MCF2L: variants seen among roughly 807,000 people sequenced by gnomAD.
MCF2L encodes the protein guanine nucleotide exchange factor DBS.
In MCF2L, 97 loss-of-function variants were observed where a neutral mutation model predicts 153.4. The ratio of observed to expected loss-of-function variants is 0.63; its 90% confidence interval spans 0.54 to 0.75. The LOEUF (loss-of-function observed/expected upper bound fraction) is 0.75. Among genes scored for constraint, MCF2L ranks in the 30% least tolerant of loss-of-function variants. The probability of loss-of-function intolerance (pLI) is 0.00; values close to 1 mark genes in which losing one functional copy is unlikely to be tolerated. For missense variants in MCF2L, 1,347 were observed against 1,495.2 expected, an observed-to-expected ratio of 0.90 and a Z score of 1.64; for synonymous variants, 659 against 632.2, an observed-to-expected ratio of 1.04 and a Z score of -0.64.
rs565511660 is a variant in MCF2L, at chr13:113,010,525, G to A, written c.80-4238G>A. Among the ~76,000 whole-genome samples, 19 of 152,308 alleles carry A rather than the reference G, an allele frequency of 1.2e-4. No homozygotes were observed. The East Asian group carries it at 1.4e-3, about 11-fold the overall frequency. ...CACGCTTGGGAAATCTCACCACGTC[G>A]TCCCCGTAGTGGCCAGAAGAGATTG... On this transcript the variant is annotated intron_variant, in intron 1 of 29. Transcript: ENST00000535094.
upstream of MCF2L, chr13:112,969,133 G>A (rs2081955129): frequency 3.5e-6 from 1 of 286,974 alleles, no homozygotes; most frequent in Non-Finnish European, 5.9e-6. This position sits in a 1 kb window ranked among gnomAD's most constrained non-coding sequence, Gnocchi z 4.8. Flanking sequence ...GTGACACACC[G>A]GGGCGGGCGC....
At position 113,012,525 on chromosome 13, in the gene MCF2L, AATGAGGACGGTGGACACTGCG is replaced by A. The variant is rs1482942129; in HGVS notation, c.80-2229_80-2209del. ...AGGCTGGGTGGATGGTGGACACTGC[AATGAGGACGGTGGACACTGCG>A]ATGAGGACAGTGGACAGGTGGTGTG... On this transcript the variant is annotated intron_variant, in intron 1 of 29. Coordinates refer to ENST00000535094, the MANE Select transcript of MCF2L (RefSeq NM_001112732.3). 2.9e-5 allele frequency among the ~76,000 whole-genome samples: 2 copies of A among 70,100 alleles called. 1 individual carries two copies. The highest frequency in any genetic ancestry group is 5.8e-5 in the Non-Finnish European group (2 of 34,232). 46.0% of individuals were successfully genotyped at this position (70,100 alleles called of 152,430 possible).
chr13:113,006,214 G>C (rs56242837), intron 1 of MCF2L, among the ~76,000 whole-genome samples: 2 of 152,222 alleles, frequency 1.3e-5, no homozygotes, highest in African/African-American at 4.8e-5. Flanking sequence ...TGTTGAGCCC[G>C]TGGCAGTGAA....
chr13:113,016,040 C>T (rs61967110), intron 2 of MCF2L, among the ~76,000 whole-genome samples: 33,256 of 152,190 alleles, frequency 0.22, 4,386 homozygotes, highest in Non-Finnish European at 0.31. Context: ...CCTCCAGTTG[C>T]CAGGCAGTGC....
At chr13:113,072,160 C>T (rs562997611) in intron 9 of MCF2L, among the ~76,000 whole-genome samples, 1 of 152,302 alleles carries the variant, frequency 6.6e-6, no homozygotes, top group Non-Finnish European at 1.5e-5. Flanking sequence ...CACATAGAAA[C>T]ACAATTGATT....
intron 1 of MCF2L, among the ~76,000 whole-genome samples, chr13:112,976,229 A>C (rs894102225): frequency 3.3e-5 from 5 of 151,504 alleles, no homozygotes; most frequent in Non-Finnish European, 7.4e-5. Context: ...TCCTTTATTA[A>C]TAATGTTAAA....
At chr13:113,082,383 C>A (rs910296656) in intron 16 of MCF2L, 44 bp from the exon 17 acceptor site, 1 of 1,192,192 alleles carries the variant, frequency 8.4e-7, no homozygotes, top group South Asian at 1.2e-5. Context: ...CCCCCCACAG[C>A]ATCAGGCCCA....
chr13:112,980,606 G>T (rs1449727518), intron 1 of MCF2L, among the ~76,000 whole-genome samples: 1 of 75,622 alleles, frequency 1.3e-5, no homozygotes, highest in Non-Finnish European at 3.6e-5. Flanking sequence ...GGGCCACCAT[G>T]CGCAGGAGAG....
At chr13:112,910,162 G>A (rs1371775222) in intron 2 of MCF2L, 1 of 152,226 alleles carries the variant, frequency 6.6e-6, no homozygotes, top group African/African-American at 2.4e-5. Flanking sequence ...TTAAAGAAAT[G>A]TAATGCTGAC....
intron 2 of MCF2L, among the ~76,000 whole-genome samples, chr13:112,959,836 C>T (rs752331901): frequency 1.3e-5 from 2 of 152,288 alleles, no homozygotes; most frequent in South Asian, 2.1e-4. Context: ...TGCTGGAAAC[C>T]GAATTTAGAC....
intron 2 of MCF2L, among the ~76,000 whole-genome samples, chr13:112,910,845 G>T (rs2081223417): frequency 6.6e-6 from 1 of 152,236 alleles, no homozygotes; most frequent in Non-Finnish European, 1.5e-5. Context: ...CTGGTGACCT[G>T]GGGGGTGTTA....
chr13:112,942,595 TG>T (rs113479280), intron 2 of MCF2L, among the ~76,000 whole-genome samples: 439 of 152,350 alleles, frequency 2.9e-3, no homozygotes, highest in African/African-American at 1.0e-2. Context: ...ACTGACCCTG[TG>T]GGGCTGGACC....
At chr13:113,041,496 G>C (rs560874124) in intron 3 of MCF2L, among the ~76,000 whole-genome samples, 44 of 151,578 alleles carry the variant, frequency 2.9e-4, no homozygotes, top group Non-Finnish European at 4.9e-4. Context: ...GGGATCACGT[G>C]GCCCTGCCCC....
At chr13:112,977,795 G>A (rs35376048) in intron 1 of MCF2L, among the ~76,000 whole-genome samples, 40,075 of 152,162 alleles carry the variant, frequency 0.26, 6,237 homozygotes, top group Non-Finnish European at 0.35. Context: ...TGTCCTTGTG[G>A]ATGAAACCAA....
chr13:112,980,630 C>CGCCTTCCCCTTTCCCCT (rs1215094651), intron 1 of MCF2L, among the ~76,000 whole-genome samples: 1 of 152,064 alleles, frequency 6.6e-6, no homozygotes, highest in Non-Finnish European at 1.5e-5. Context: ...CTCAGGCTGC[C>CGCCTTCCCCTTTCCCCT]GCCTTCCCCT....
At position 113,096,376 on chromosome 13, in the gene MCF2L, A is replaced by G. The variant is rs2142152454; in HGVS notation, c.3081A>G (p.Pro1027=). 2 of 1,576,456 alleles carry G rather than the reference A, an allele frequency of 1.3e-6. No individual in the cohort carries two copies. ...CCCTGCCCGTCTCCCACCAGGTTCC[A>G]GGTAAATACACGGTCGTGGCGGACC... The part of the protein sequence containing the change: ...DGGLGPKKLV[P]GKYTVVADHE... Residue 1027 remains proline (P), a synonymous_variant, in exon 28 of 30, where the codon CCA becomes CCG. Coordinates refer to ENST00000535094, the MANE Select transcript of MCF2L (RefSeq NM_001112732.3).
At chr13:113,006,756 C>G (rs2083725123) in intron 1 of MCF2L, among the ~76,000 whole-genome samples, 1 of 152,206 alleles carries the variant, frequency 6.6e-6, no homozygotes, top group South Asian at 2.1e-4. Flanking sequence ...GTGCCACCAG[C>G]CCTGCCCACT....
Position 113,084,861 on chromosome 13 carries a change from T to C in MCF2L, c.2062-31T>C, listed in dbSNP as rs200848995. On this transcript the variant is annotated intron_variant, in intron 18 of 29. Transcript: ENST00000535094. ...GCGTGATGCGCTGCCCATCCCTCACTGCGTGATGCGGTGCCTGTCCCTCGG... is the reference window on the plus strand; with the variant it reads ...GCGTGATGCGCTGCCCATCCCTCACCGCGTGATGCGGTGCCTGTCCCTCGG... 2.4e-4 allele frequency: 366 copies of C among 1,553,614 alleles called. 7 individuals carry two copies. In the South Asian group the frequency reaches 2.4e-3, roughly 10 times the overall value.
In MCF2L at chr13:113,087,793, C is replaced by T. The variant is rs376360002; in HGVS notation, c.2682C>T (p.Ile894=). ...IWYNAREEVY[I]VQAPTPEIKA... ...ACAACGCGCGCGAGGAGGTCTACAT[C>T]GTCCAGGTGGGCCACCCACCCTACC... Residue 894 remains isoleucine (I), a synonymous_variant, in exon 23 of 30, where the codon ATC becomes ATT. Coordinates refer to ENST00000535094, the MANE Select transcript of MCF2L (RefSeq NM_001112732.3). 1.4e-5 allele frequency: 22 copies of T among 1,613,796 alleles called. No homozygotes were observed. Among genetic ancestry groups the T allele is most frequent in the African/African-American group, 1.2e-4 (9 of 74,936 alleles).
Sources: gnomAD v4.1 joint callset for allele counts (sites outside exome capture counted in the v4.1 genomes callset) on GRCh38, gnomAD v4.1.1 for gene constraint, Gnocchi (gnomAD v3.1) non-coding constraint, MANE v1.5 for transcripts, NCBI Gene and HGNC (gene_info 2026-07-23, HGNC 2026-07-21) for gene names.